The following ITFG1 variants were observed in gnomAD, a reference collection of about 807,000 sequenced individuals.
The protein encoded by ITFG1 is T-cell immunomodulatory protein.
In ITFG1, 34 loss-of-function variants were observed where a neutral mutation model predicts 81.8. The ratio of observed to expected loss-of-function variants is 0.42; its 90% CI spans 0.32 to 0.55. The LOEUF is 0.55. Among genes scored for constraint, ITFG1 ranks in the 20% least tolerant of loss-of-function variants. The pLI is 0.17. For missense variants in ITFG1, 672 were observed against 755.4 expected (o/e 0.89, Z 1.29); for synonymous variants, 285 against 270.6 (o/e 1.05, Z -0.52).
At chr16:47,265,097 TA>T (rs1966260106) in intron 10 of ITFG1, among the ~76,000 whole-genome samples, 1 of 151,274 alleles carries the variant, frequency 6.6e-6, no homozygotes, top group South Asian at 2.1e-4. Flanking sequence ...ACACATTTAA[TA>T]ACTGCTATTA....
chr16:47,443,604 T>C (rs1170605057), intron 5 of ITFG1, among the ~76,000 whole-genome samples: 1 of 152,114 alleles, frequency 6.6e-6, no homozygotes, highest in East Asian at 1.9e-4. Flanking sequence ...TGTGGGGACA[T>C]GGATGAAGCT....
intron 6 of ITFG1, among the ~76,000 whole-genome samples, chr16:47,382,029 C>A (rs919008829): frequency 1.1e-4 from 17 of 152,130 alleles, no homozygotes; most frequent in Admixed American, 1.0e-3. Context: ...CATCACTGAC[C>A]AGAGGGACAG....
intron 8 of ITFG1, among the ~76,000 whole-genome samples, chr16:47,328,483 A>T (rs148076145): frequency 2.2e-4 from 33 of 152,236 alleles, no homozygotes; most frequent in African/African-American, 4.1e-4. Context: ...ATAATAATAA[A>T]AAAAATCAAA....
rs1394887945 is a variant in ITFG1, at chr16:47,260,657, T to C, written c.1109A>G (p.Asn370Ser). Residue 370 changes from asparagine to serine, a missense_variant, in exon 11 of 18, where the codon AAT (asparagine) becomes AGT (serine). Transcript: ENST00000320640. ...QAFLLENVPC[N>S]NASCEEARRM... is the part of the protein sequence containing the mutation. ...ACGCGCCTCTTCACAGCTTGCATTATTACAAGGGACGTTCTCCAGTAAAAA... is the reference window on the plus strand; with the variant it reads ...ACGCGCCTCTTCACAGCTTGCATTACTACAAGGGACGTTCTCCAGTAAAAA... 4.3e-6 allele frequency: 7 copies of C among 1,614,202 alleles called. No homozygotes were observed. The highest frequency in any genetic ancestry group is 5.1e-6 in the Non-Finnish European group (6 of 1,180,028).
At chr16:47,276,749 C>A (rs946948517) in intron 10 of ITFG1, among the ~76,000 whole-genome samples, 4 of 152,056 alleles carry the variant, frequency 2.6e-5, no homozygotes. Context: ...TACACACAAA[C>A]GTGGCATTAC....
intron 6 of ITFG1, among the ~76,000 whole-genome samples, chr16:47,421,559 T>G (rs1968950156): frequency 6.6e-6 from 1 of 152,126 alleles, no homozygotes. Context: ...CGCCTTGGCC[T>G]CCCAAAGTGC....
At chr16:47,167,493 C>G (rs1413144404) in intron 14 of ITFG1, among the ~76,000 whole-genome samples, 1 of 152,094 alleles carries the variant, frequency 6.6e-6, no homozygotes, top group Non-Finnish European at 1.5e-5. Context: ...ATGACATTAC[C>G]TTGTGAAAGT....
In ITFG1 at chr16:47,215,152, T is replaced by A. The variant is rs184617120; in HGVS notation, c.1453+3716A>T. On this transcript the variant is annotated intron_variant, in intron 14 of 17. Coordinates refer to ENST00000320640, the MANE Select transcript of ITFG1 (RefSeq NM_030790.5). ...AGCTGCTCTAGGAGAAAACCAAGGC[T>A]GTAGTTTCCGAAATACGTAAATGTA... is the stretch of plus-strand genomic sequence containing the variant. Among the ~76,000 whole-genome samples the A allele has an allele frequency of 2.1e-3, 321 of 152,312 alleles. 2 individuals carry two copies. The highest frequency in any genetic ancestry group is 2.4e-3 in the Non-Finnish European group (160 of 68,022).
intron 5 of ITFG1, chr16:47,447,952 C>T (rs1029264001): frequency 6.6e-6 from 1 of 152,036 alleles, no homozygotes; most frequent in African/African-American, 2.4e-5. Context: ...TAATAGATTC[C>T]TTTTAACAAT....
intron 6 of ITFG1, among the ~76,000 whole-genome samples, chr16:47,415,811 T>C (rs1000231382): frequency 6.6e-6 from 1 of 152,128 alleles, no homozygotes; most frequent in Non-Finnish European, 1.5e-5. Context: ...TTTAAAAATC[T>C]TGCCGTGTGC....
intron 13 of ITFG1, among the ~76,000 whole-genome samples, chr16:47,227,426 A>G (rs1206462937): frequency 6.6e-6 from 1 of 152,124 alleles, no homozygotes; most frequent in African/African-American, 2.4e-5. Context: ...GTGATGGTTC[A>G]ATTTTTCATA....
At chr16:47,350,832 C>A (rs897056461) in intron 8 of ITFG1, among the ~76,000 whole-genome samples, 2 of 152,074 alleles carry the variant, frequency 1.3e-5, no homozygotes, top group African/African-American at 4.8e-5. Context: ...ACTGACAAAC[C>A]GAATCCAGCA....
intron 8 of ITFG1, among the ~76,000 whole-genome samples, chr16:47,322,978 T>A (rs1292037469): frequency 6.8e-6 from 1 of 146,746 alleles, no homozygotes; most frequent in Non-Finnish European, 1.5e-5. Flanking sequence ...CTGATTGATA[T>A]AAATATTTTT....
chr16:47,433,784 T>C (rs1265668248), intron 5 of ITFG1, among the ~76,000 whole-genome samples: 1 of 143,348 alleles, frequency 7.0e-6, no homozygotes, highest in Non-Finnish European at 1.5e-5. Flanking sequence ...TATATATATA[T>C]ATATATATAC....
At chr16:47,181,239 G>A (rs1965108912) in intron 14 of ITFG1, among the ~76,000 whole-genome samples, 1 of 150,220 alleles carries the variant, frequency 6.7e-6, no homozygotes, top group African/African-American at 2.5e-5. Context: ...CCCCGTCTGA[G>A]AAGTGAGGAG....
intron 14 of ITFG1, among the ~76,000 whole-genome samples, chr16:47,166,589 G>T (rs571741258): frequency 6.6e-6 from 1 of 152,138 alleles, no homozygotes; most frequent in East Asian, 1.9e-4. Flanking sequence ...AGGAAACAGC[G>T]TAAAAGACAT....
At chr16:47,256,336 G>A (rs1966139066) in intron 12 of ITFG1, among the ~76,000 whole-genome samples, 1 of 152,050 alleles carries the variant, frequency 6.6e-6, no homozygotes, top group Non-Finnish European at 1.5e-5. Context: ...TGACTGTCCT[G>A]GATTTAGTAG....
At chr16:47,286,319 T>C (rs1239075324) in intron 10 of ITFG1, among the ~76,000 whole-genome samples, 1 of 152,160 alleles carries the variant, frequency 6.6e-6, no homozygotes. Flanking sequence ...GGCATATCAC[T>C]AGAAAAAGTG....
chr16:47,239,363 G>C lies in ITFG1; in HGVS notation c.1331-1355C>G, dbSNP rs569569219. Among the ~76,000 whole-genome samples the C allele has an allele frequency of 5.3e-4, 81 of 152,204 alleles. No individual in the cohort carries two copies. In the East Asian group the frequency reaches 0.011, roughly 20 times the overall value. On this transcript the variant is annotated intron_variant, in intron 12 of 17. Coordinates refer to ENST00000320640, the MANE Select transcript of ITFG1 (RefSeq NM_030790.5). ...CTACAGGTGCACGCCACCACACCCA[G>C]CTAATTTTTGTATTTTTAGTAGAGA... is the stretch of plus-strand genomic sequence containing the variant.
Sources: allele counts gnomAD v4.1 joint callset (sites outside exome capture counted in the v4.1 genomes callset), GRCh38; gene constraint gnomAD v4.1.1; transcripts MANE v1.5; gene names NCBI Gene and HGNC (gene_info 2026-07-23, HGNC 2026-07-21).